The following CADPS variants were observed in gnomAD, a reference collection of about 807,000 sequenced individuals.
CADPS encodes the protein calcium-dependent secretion activator 1.
A neutral mutation model predicts 167.3 loss-of-function variants in CADPS; 57 were observed. The ratio of observed to expected loss-of-function variants is 0.34; its 90% confidence interval spans 0.28 to 0.42. The LOEUF is 0.42. CADPS is among the 20% of genes least tolerant of loss of function. The pLI is 1.00. For synonymous variants in CADPS, 676 were observed against 635.3 expected (o/e 1.06, Z -0.96); for missense variants, 1,414 against 1,738.1 (o/e 0.81, Z 3.32).
chr3:62,767,254 T>C (rs1273375875), intron 1 of CADPS, among the ~76,000 whole-genome samples: 2 of 152,192 alleles, frequency 1.3e-5, no homozygotes, highest in African/African-American at 2.4e-5. Context: ...ACCAGTCCAG[T>C]AGCAGTTCTG....
intron 3 of CADPS, among the ~76,000 whole-genome samples, chr3:62,711,212 A>T (rs531462811): frequency 3.2e-4 from 49 of 152,342 alleles, no homozygotes; most frequent in Non-Finnish European, 5.0e-4. Flanking sequence ...ATCATTTTTA[A>T]TAATAGGTAT....
intron 6 of CADPS, among the ~76,000 whole-genome samples, chr3:62,594,408 G>A (rs943845447): frequency 3.3e-5 from 5 of 151,980 alleles, no homozygotes; most frequent in Admixed American, 6.6e-5. Context: ...TGATCCGCCC[G>A]CCTCGGCCTC....
intron 2 of CADPS, among the ~76,000 whole-genome samples, chr3:62,760,052 T>C (rs1012331818): frequency 3.9e-5 from 6 of 152,158 alleles, no homozygotes; most frequent in Non-Finnish European, 8.8e-5. Flanking sequence ...CTTTCCCTTT[T>C]CTTTTCTATG....
intron 6 of CADPS, among the ~76,000 whole-genome samples, chr3:62,611,535 G>A (rs2061499638): frequency 6.6e-6 from 1 of 152,140 alleles, no homozygotes; most frequent in African/African-American, 2.4e-5. Context: ...ACCCCTCAAT[G>A]CATTCTTTTC....
chr3:62,546,541 C>T (rs1472066484), intron 11 of CADPS, among the ~76,000 whole-genome samples: 1 of 152,114 alleles, frequency 6.6e-6, no homozygotes, highest in Non-Finnish European at 1.5e-5. Flanking sequence ...GAACTAACCA[C>T]CATTCTGTGG....
Position 62,536,468 on chromosome 3 carries a change from G to T in CADPS, c.2080C>A (p.Leu694Ile). ...MVQRLTLDHRLNDSYSCLGWF... is the reference protein window; with the variant it reads ...MVQRLTLDHRINDSYSCLGWF... ...GCCAGGCAAGAATAGGAATCATTAA[G>T]TCTGTGATCCAAAGTAAGGCGTTGT... Residue 694 changes from leucine to isoleucine, a missense_variant, in exon 12 of 30, where the codon CTT (leucine) becomes ATT (isoleucine). Around this residue, in one of 6 missense-constraint regions of CADPS, gnomAD observed 529 missense variants for 629.6 expected, o/e 0.84. Coordinates refer to ENST00000383710, the MANE Select transcript of CADPS (RefSeq NM_003716.4). 2.5e-6 allele frequency: 4 copies of T among 1,613,276 alleles called. No homozygotes were observed. Among genetic ancestry groups the T allele is most frequent in the Non-Finnish European group, 3.4e-6 (4 of 1,179,370 alleles).
intron 29 of CADPS, among the ~76,000 whole-genome samples, chr3:62,401,243 A>G (rs1705999029): frequency 6.6e-6 from 1 of 152,066 alleles, no homozygotes; most frequent in Non-Finnish European, 1.5e-5. Flanking sequence ...CTTTTCAATC[A>G]TTTGTTCTGT....
Position 62,544,258 on chromosome 3 carries a change from T to C in CADPS, c.1966+5645A>G, listed in dbSNP as rs2076133008. The stretch of plus-strand genomic sequence containing the variant: ...CCCTTAAGCCAGCTAGAATGAACTC[T>C]TTAGTGTTCAAATAATGCATTTGCT... On this transcript the variant is annotated intron_variant, in intron 11 of 29. Coordinates refer to ENST00000383710, the MANE Select transcript of CADPS (RefSeq NM_003716.4). This position sits in a 1 kb window ranked among gnomAD's most constrained non-coding sequence, Gnocchi z 4.4. 6.6e-6 allele frequency among the ~76,000 whole-genome samples: 1 copy of C among 152,170 alleles called. No individual in the cohort carries two copies. Among genetic ancestry groups the C allele is most frequent in the Non-Finnish European group, 1.5e-5 (1 of 68,022 alleles).
At chr3:62,825,072 G>C (rs2073787833) in intron 1 of CADPS, among the ~76,000 whole-genome samples, 1 of 152,106 alleles carries the variant, frequency 6.6e-6, no homozygotes, top group South Asian at 2.1e-4. Context: ...ATTGGCTATG[G>C]ACACTTGTCA....
Position 62,478,220 on chromosome 3 carries a change from TG to T in CADPS, c.3329+40del. The T allele has an allele frequency of 6.2e-7, 1 of 1,604,898 alleles. No homozygotes were observed. The highest frequency in any genetic ancestry group is 8.5e-7 in the Non-Finnish European group (1 of 1,172,984). On this transcript the variant is annotated intron_variant, in intron 23 of 29. Transcript: ENST00000383710. The surrounding 1 kb of genome is among the most constrained non-coding windows in gnomAD (Gnocchi z 5.7). ...TACCCTTCCCTGAGTCTGTGTATGG[TG>T]GGGAGGGTGTGCAGAACCTGTCCAG...
chr3:62,643,867 A>G (rs191143313), intron 6 of CADPS, among the ~76,000 whole-genome samples: 161 of 152,362 alleles, frequency 1.1e-3, no homozygotes, highest in Admixed American at 1.9e-3. Flanking sequence ...ACATAAGAGC[A>G]TGGAAAACGA....
intron 1 of CADPS, among the ~76,000 whole-genome samples, chr3:62,858,631 A>G (rs1996093): frequency 2.0e-5 from 3 of 152,164 alleles, no homozygotes; most frequent in Non-Finnish European, 4.4e-5. Context: ...GGATATGTAG[A>G]TATTATATTT....
In CADPS at chr3:62,692,656, T is replaced by C. The variant is rs185242419; in HGVS notation, c.889-30262A>G. Reference sequence around the variant, plus strand: ...CTTTCAACTCTCACTGCCATCAACCTAGTCCAAGCTACCATCATTACCTGC... The same window carrying C: ...CTTTCAACTCTCACTGCCATCAACCCAGTCCAAGCTACCATCATTACCTGC... On this transcript the variant is annotated intron_variant, in intron 3 of 29. Transcript: ENST00000383710. 3.3e-5 allele frequency among the ~76,000 whole-genome samples: 5 copies of C among 152,192 alleles called. No individual in the cohort carries two copies. In the East Asian group the frequency reaches 9.7e-4, roughly 29 times the overall value.
At chr3:62,599,828 A>T (rs1465637515) in intron 6 of CADPS, among the ~76,000 whole-genome samples, 3 of 5,424 alleles carry the variant, frequency 5.5e-4, no homozygotes, top group African/African-American at 1.5e-3. Context: ...TATATATTAT[A>T]TATATAATAT....
intron 1 of CADPS, among the ~76,000 whole-genome samples, chr3:62,839,416 C>T (rs1437681315): frequency 1.3e-5 from 2 of 152,030 alleles, no homozygotes; most frequent in Non-Finnish European, 2.9e-5. Flanking sequence ...TCTTGAACTC[C>T]ATGGTCAGGG....
intron 1 of CADPS, among the ~76,000 whole-genome samples, chr3:62,785,867 A>C (rs2152696790): frequency 6.6e-6 from 1 of 152,078 alleles, no homozygotes; most frequent in South Asian, 2.1e-4. Flanking sequence ...TTAGTAAGAC[A>C]TAAAAAACCA....
At chr3:62,634,318 C>G (rs1328439689) in intron 6 of CADPS, among the ~76,000 whole-genome samples, 1 of 152,040 alleles carries the variant, frequency 6.6e-6, no homozygotes, top group Non-Finnish European at 1.5e-5. Context: ...TACTATTTAT[C>G]TTCTTAGTCA....
intron 1 of CADPS, among the ~76,000 whole-genome samples, chr3:62,861,209 C>A (rs1324178268): frequency 1.3e-5 from 2 of 152,164 alleles, no homozygotes; most frequent in Non-Finnish European, 2.9e-5. Context: ...ACCATATGAG[C>A]TTTGTCCAAG....
chr3:62,552,170 T>G (rs561702194), intron 10 of CADPS, among the ~76,000 whole-genome samples: 1 of 136,698 alleles, frequency 7.3e-6, no homozygotes, highest in African/African-American at 2.8e-5. Flanking sequence ...TAGGTGGGAA[T>G]TGAACAATGA....
Sources: allele counts gnomAD v4.1 joint callset (sites outside exome capture counted in the v4.1 genomes callset), GRCh38; gene constraint gnomAD v4.1.1; regional missense constraint gnomAD v4.1.1; non-coding constraint Gnocchi (gnomAD v3.1); transcripts MANE v1.5; gene names NCBI Gene and HGNC (gene_info 2026-07-23, HGNC 2026-07-21).